PKP4: variants seen among roughly 807,000 people sequenced by gnomAD.
PKP4 encodes the protein plakophilin 4.
In PKP4, 90 loss-of-function variants were observed where a neutral mutation model predicts 145.1. The ratio of observed to expected loss-of-function variants is 0.62; its 90% confidence interval spans 0.52 to 0.74. The LOEUF (loss-of-function observed/expected upper bound fraction) is 0.74, where lower values mean the gene tolerates loss of function less well. Ranked by LOEUF, PKP4 falls within the 30% of genes least tolerant of loss-of-function variation. PKP4 has a pLI of 0.00. For missense variants in PKP4, 1,340 were observed against 1,482.7 expected (o/e 0.90, Z 1.58); for synonymous variants, 563 against 577.2 (o/e 0.98, Z 0.35).
chr2:158,458,706 TC>T (rs1298731247), intron 1 of PKP4, among the ~76,000 whole-genome samples: 2 of 152,164 alleles, frequency 1.3e-5, no homozygotes, highest in Non-Finnish European at 2.9e-5. Flanking sequence ...GTAATTTTTT[TC>T]CCTCGTCATA....
intron 1 of PKP4, among the ~76,000 whole-genome samples, chr2:158,472,425 C>T (rs560653738): frequency 1.8e-4 from 27 of 151,902 alleles, no homozygotes; most frequent in African/African-American, 4.6e-4. Context: ...CTGGCTAACA[C>T]GGTGAAACCC....
intron 1 of PKP4, among the ~76,000 whole-genome samples, chr2:158,518,543 T>G (rs1376749979): frequency 2.6e-5 from 4 of 152,050 alleles, no homozygotes; most frequent in Admixed American, 2.0e-4. Flanking sequence ...TATCAGCTCC[T>G]CACTCCTCTC....
At chr2:158,516,769 C>T (rs954314641) in intron 1 of PKP4, among the ~76,000 whole-genome samples, 4 of 151,922 alleles carry the variant, frequency 2.6e-5, no homozygotes, top group African/African-American at 9.7e-5. Context: ...AAGCGATTCT[C>T]CTGCCTCAGC....
At chr2:158,482,253 C>T (rs984923990) in intron 1 of PKP4, among the ~76,000 whole-genome samples, 1 of 152,202 alleles carries the variant, frequency 6.6e-6, no homozygotes, top group African/African-American at 2.4e-5. Context: ...TAGTGCTAAG[C>T]TAGATGTGCT....
At chr2:158,671,110 C>G (rs115557903) in intron 17 of PKP4, among the ~76,000 whole-genome samples, 1,689 of 152,224 alleles carry the variant, frequency 0.011, 31 homozygotes, top group African/African-American at 0.038. Flanking sequence ...TATTTCGGTT[C>G]ACTGCTATAT....
At chr2:158,606,469 C>CT (rs1558875949) in intron 4 of PKP4, among the ~76,000 whole-genome samples, 1 of 152,204 alleles carries the variant, frequency 6.6e-6, no homozygotes, top group African/African-American at 2.4e-5. Context: ...TACCAACTGC[C>CT]TTCATCTCGA....
intron 11 of PKP4, among the ~76,000 whole-genome samples, chr2:158,654,767 T>C (rs1027675855): frequency 1.3e-5 from 2 of 151,736 alleles, no homozygotes; most frequent in Non-Finnish European, 2.9e-5. Context: ...AAAGGGGAGG[T>C]AATAATAATA....
chr2:158,564,914 TATTTG>T (rs1265252111), intron 2 of PKP4, among the ~76,000 whole-genome samples: 1 of 152,226 alleles, frequency 6.6e-6, no homozygotes, highest in Non-Finnish European at 1.5e-5. Flanking sequence ...TGCAGGGTTT[TATTTG>T]ATTTGAGAAG....
At position 158,536,762 on chromosome 2, in the gene PKP4, G is replaced by A. The variant is rs541544623; in HGVS notation, c.132+3446G>A. ...GTCATGTGGATGCGTACCTGCGAAG[G>A]TACAGAAAAATCCTTGCTCCTTGAC... On this transcript the variant is annotated intron_variant, in intron 2 of 21. Coordinates refer to ENST00000389759, the MANE Select transcript of PKP4 (RefSeq NM_003628.6). Among the ~76,000 whole-genome samples the A allele has an allele frequency of 1.1e-4, 17 of 152,256 alleles. No individual in the cohort carries two copies. In the South Asian group the frequency reaches 3.5e-3, roughly 32 times the overall value.
intron 1 of PKP4, among the ~76,000 whole-genome samples, chr2:158,509,080 C>G (rs1287969903): frequency 6.6e-6 from 1 of 151,974 alleles, no homozygotes; most frequent in African/African-American, 2.4e-5. Flanking sequence ...AGTTCCCACC[C>G]CCACCAAAAA....
chr2:158,590,309 T>TTGAG (rs1304021492), intron 3 of PKP4, among the ~76,000 whole-genome samples: 4 of 89,198 alleles, frequency 4.5e-5, no homozygotes, highest in Non-Finnish European at 7.7e-5. Flanking sequence ...GAGGAATGTC[T>TTGAG]TGAGTGTGTG....
chr2:158,669,524 G>C (rs1189277163), intron 16 of PKP4, 196 bp from the exon 17 acceptor site: 1 of 399,920 alleles, frequency 2.5e-6, no homozygotes, highest in Non-Finnish European at 4.5e-6. Context: ...TGCAAGTGAC[G>C]TTGCAATAAA....
At chr2:158,516,040 A>G (rs1450783151) in intron 1 of PKP4, among the ~76,000 whole-genome samples, 1 of 72,094 alleles carries the variant, frequency 1.4e-5, no homozygotes, top group Non-Finnish European at 2.9e-5. Context: ...GTGAGAATCC[A>G]TCTTTTTTTT....
chr2:158,490,734 T>C (rs1694820833), intron 1 of PKP4, among the ~76,000 whole-genome samples: 1 of 152,220 alleles, frequency 6.6e-6, no homozygotes, highest in African/African-American at 2.4e-5. Flanking sequence ...CCTGGAAGAC[T>C]GATCTGACCA....
intron 1 of PKP4, among the ~76,000 whole-genome samples, chr2:158,529,300 C>T (rs1033912506): frequency 6.6e-6 from 1 of 152,216 alleles, no homozygotes; most frequent in Non-Finnish European, 1.5e-5. Context: ...AAAAAGCCTC[C>T]TTCAGAGGCT....
chr2:158,503,965 C>CTTTTTTTTTTTT (rs59715903), intron 1 of PKP4, among the ~76,000 whole-genome samples: 1 of 86,904 alleles, frequency 1.2e-5, no homozygotes, highest in African/African-American at 4.2e-5. Context: ...TAAATTCTGG[C>CTTTTTTTTTTTT]TTTTTTTTTT....
chr2:158,475,103 G>A (rs558886032), intron 1 of PKP4, among the ~76,000 whole-genome samples: 2 of 152,258 alleles, frequency 1.3e-5, no homozygotes, highest in South Asian at 2.1e-4. Flanking sequence ...TAGCGATTGT[G>A]TTGTGTTTTT....
intron 15 of PKP4, among the ~76,000 whole-genome samples, chr2:158,664,149 T>A (rs1367988777): frequency 1.3e-5 from 2 of 152,170 alleles, no homozygotes; most frequent in East Asian, 1.9e-4. Flanking sequence ...AAAGGTGGAT[T>A]CGAGGAAGGG....
At chr2:158,508,479 G>A (rs1446075801) in intron 1 of PKP4, among the ~76,000 whole-genome samples, 1 of 151,642 alleles carries the variant, frequency 6.6e-6, no homozygotes, top group Admixed American at 6.6e-5. Context: ...CATGAGTTTT[G>A]TAATAGTTTA....
Sources: allele counts gnomAD v4.1 joint callset (sites outside exome capture counted in the v4.1 genomes callset), GRCh38; gene constraint gnomAD v4.1.1; transcripts MANE v1.5; gene names NCBI Gene and HGNC (gene_info 2026-07-23, HGNC 2026-07-21).